POC1A: variants seen among roughly 807,000 people sequenced by gnomAD.
POC1A encodes POC1 centriolar protein A.
A neutral mutation model predicts 47.8 loss-of-function variants in POC1A; 34 were observed. The observed-to-expected ratio is 0.71, with a 90% CI of 0.54 to 0.95. The LOEUF (loss-of-function observed/expected upper bound fraction) is 0.95. Among genes scored for constraint, POC1A ranks in the 40% least tolerant of loss-of-function variants. The probability of loss-of-function intolerance (pLI) is 0.00; values close to 1 mark genes in which losing one functional copy is unlikely to be tolerated. For synonymous variants in POC1A, 177 were observed against 207.6 expected (o/e 0.85, Z 1.27); for missense variants, 466 against 528.3 (o/e 0.88, Z 1.16).
chr3:52,150,291 C>G (rs1007428744), intron 2 of POC1A, among the ~76,000 whole-genome samples: 3 of 152,198 alleles, frequency 2.0e-5, no homozygotes, highest in African/African-American at 7.2e-5. Flanking sequence ...GGCCCAGGGT[C>G]TCCCCCCAGA....
intron 7 of POC1A, among the ~76,000 whole-genome samples, chr3:52,136,972 T>C (rs375672796): frequency 1.3e-3 from 201 of 152,286 alleles, no homozygotes; most frequent in African/African-American, 4.7e-3. Flanking sequence ...GTAGCAGCAT[T>C]CACATGATTT....
intron 10 of POC1A, among the ~76,000 whole-genome samples, chr3:52,088,594 T>A (rs946371891): frequency 1.3e-5 from 2 of 152,010 alleles, no homozygotes; most frequent in African/African-American, 4.8e-5. Context: ...GGGTCAGCTG[T>A]GATGAAGTAG....
intron 7 of POC1A, among the ~76,000 whole-genome samples, chr3:52,128,043 C>T (rs960736095): frequency 2.6e-5 from 4 of 152,026 alleles, no homozygotes; most frequent in African/African-American, 2.4e-5. Context: ...TACACTAATA[C>T]GAACACCAAA....
In POC1A at chr3:52,149,338, G is replaced by T. The variant is rs778065985; in HGVS notation, c.327C>A (p.Val109=). 8.1e-6 allele frequency: 13 copies of T among 1,614,030 alleles called. No homozygotes were observed. The highest frequency in any genetic ancestry group is 3.3e-4 in the Middle Eastern group (2 of 6,084). ...FRAHTATVRS[V]HFCSDGQSFV... ...AGGACTGGCCATCACTGCAGAAGTG[G>T]ACACTCCTCACTGTGGCTGTGTGTG... Residue 109 remains valine, a synonymous_variant, in exon 4 of 11, where the codon GTC becomes GTA. Coordinates refer to ENST00000296484, the MANE Select transcript of POC1A (RefSeq NM_015426.5).
Position 52,149,919 on chromosome 3 carries a change from T to G in POC1A, c.172A>C (p.Thr58Pro). ...CAGGTGACGGCATCCTTGTGGCCAG[T>G]GAAGCGGTAGGCGCGTGACTGCGGC... Reference protein sequence around the residue: ...MKPQSRAYRFTGHKDAVTCVN... With the variant: ...MKPQSRAYRFPGHKDAVTCVN... The change falls in exon 3 of 11, where the codon ACT becomes CCT. Residue 58 changes from threonine (T) to proline (P), a missense_variant. Physicochemically the swap from Thr to Pro is conservative, Grantham distance 38. Coordinates refer to ENST00000296484, the MANE Select transcript of POC1A (RefSeq NM_015426.5). 1 of 1,613,868 alleles carries G rather than the reference T, an allele frequency of 6.2e-7. No individual in the cohort carries two copies. Among genetic ancestry groups the G allele is most frequent in the Non-Finnish European group, 8.5e-7 (1 of 1,180,012 alleles).
intron 7 of POC1A, among the ~76,000 whole-genome samples, chr3:52,130,366 AG>A (rs1436823937): frequency 6.6e-6 from 1 of 152,168 alleles, no homozygotes; most frequent in Non-Finnish European, 1.5e-5. Context: ...CTTCTTCCAG[AG>A]CCCCACCAGG....
In POC1A at chr3:52,096,862, G is replaced by A. The variant is rs956209639; in HGVS notation, c.982-150C>T. On this transcript the variant is annotated intron_variant, in intron 9 of 10. Coordinates refer to ENST00000296484, the MANE Select transcript of POC1A (RefSeq NM_015426.5). ...TGTCAGTAAGAAACAGCAGCGTGGC[G>A]GTGTTCCCACATCTGGGTCCACACA... 24 of 679,972 alleles carry A rather than the reference G, an allele frequency of 3.5e-5. No individual in the cohort carries two copies. The Middle Eastern group carries it at 1.2e-3, about 34-fold the overall frequency. The allele number at this position is 679,972 out of a possible 1,614,324, so 42.1% of individuals were successfully genotyped here. A position where few individuals can be genotyped will look rare whatever the true frequency, so the allele number is the denominator to read the frequency against.
rs1022750576 is a variant in POC1A at position 52,079,149 on chromosome 3, T to C, written c.1126-3164A>G. On this transcript the variant is annotated intron_variant, in intron 10 of 10. Transcript: ENST00000296484. This position sits in a 1 kb window ranked among gnomAD's most constrained non-coding sequence, Gnocchi z 4.6. ...CCATATCACGTGGCCTTGTTCAGAA[T>C]GTATATGATCTTTACCTGTCGGTTC... Among the ~76,000 whole-genome samples, 3 of 152,244 alleles carry C rather than the reference T, an allele frequency of 2.0e-5. No homozygotes were observed. Among genetic ancestry groups the C allele is most frequent in the African/African-American group, 7.2e-5 (3 of 41,462 alleles).
At chr3:52,111,047 G>T (rs953828090) in intron 9 of POC1A, among the ~76,000 whole-genome samples, 2 of 152,208 alleles carry the variant, frequency 1.3e-5, no homozygotes, top group African/African-American at 4.8e-5. Context: ...GAGTCAGGTT[G>T]CTCTGTCTTC....
chr3:52,143,573 G>A (rs1349432521), intron 6 of POC1A, among the ~76,000 whole-genome samples: 1 of 152,100 alleles, frequency 6.6e-6, no homozygotes, highest in Non-Finnish European at 1.5e-5. Flanking sequence ...CTCAGAATGT[G>A]ACCTCAGCCA....
At chr3:52,081,187 G>A (rs372131762) in intron 10 of POC1A, among the ~76,000 whole-genome samples, 2 of 152,178 alleles carry the variant, frequency 1.3e-5, no homozygotes, top group South Asian at 2.1e-4. Context: ...AACTACGGCC[G>A]GCTGCCCCTT....
At position 52,147,021 on chromosome 3, in the gene POC1A, C is replaced by T. The variant is rs150182187; in HGVS notation, c.530G>A (p.Arg177Gln). 8 of 1,614,032 alleles carry T rather than the reference C, an allele frequency of 5.0e-6. No individual in the cohort carries two copies. The highest frequency in any genetic ancestry group is 2.7e-5 in the African/African-American group (2 of 74,934). Residue 177 changes from arginine to glutamine, a missense_variant, in exon 5 of 11, where the codon CGG becomes CAG. Coordinates refer to ENST00000296484, the MANE Select transcript of POC1A (RefSeq NM_015426.5). ...KTVKLWDKSS[R>Q]ECVHSYCEHG... ...CTCACAATACGAGTGGACACATTCC[C>T]GGCTGCTCTTGTCCCACAGCTTAAC...
rs1703035526 is a variant in POC1A at position 52,102,494 on chromosome 3, C to G, written c.982-5782G>C. On this transcript the variant is annotated intron_variant, in intron 9 of 10. Coordinates refer to ENST00000296484, the MANE Select transcript of POC1A (RefSeq NM_015426.5). ...TCTCCTTTCTCTGTGTGGCTCTCTT[C>G]TGTGTGGCTCTTCTAAGGATACTTG... 2.0e-5 allele frequency among the ~76,000 whole-genome samples: 3 copies of G among 152,206 alleles called. No individual in the cohort carries two copies. In the South Asian group the frequency reaches 6.2e-4, roughly 32 times the overall value.
At chr3:52,135,178 C>A (rs1704398243) in intron 7 of POC1A, among the ~76,000 whole-genome samples, 1 of 152,180 alleles carries the variant, frequency 6.6e-6, no homozygotes, top group Non-Finnish European at 1.5e-5. Context: ...TCCTCGGAAC[C>A]AGTTGGGTGA....
At chr3:52,098,464 T>G (rs1464039729) in intron 9 of POC1A, among the ~76,000 whole-genome samples, 4 of 152,040 alleles carry the variant, frequency 2.6e-5, no homozygotes, top group Non-Finnish European at 5.9e-5. Context: ...ACTTTAGCAA[T>G]AGAAACCCTC....
At chr3:52,152,960 T>A (rs920101448) in intron 1 of POC1A, among the ~76,000 whole-genome samples, 2 of 152,192 alleles carry the variant, frequency 1.3e-5, no homozygotes, top group Non-Finnish European at 2.9e-5. Flanking sequence ...AATAGTCAAA[T>A]CTATAGAGAC....
At chr3:52,102,672 C>T (rs1031904892) in intron 9 of POC1A, among the ~76,000 whole-genome samples, 1 of 152,212 alleles carries the variant, frequency 6.6e-6, no homozygotes, top group Non-Finnish European at 1.5e-5. Context: ...ATTCAACACA[C>T]TACAAAATGC....
chr3:52,151,774 C>T (rs1182505454), intron 1 of POC1A, among the ~76,000 whole-genome samples: 4 of 151,992 alleles, frequency 2.6e-5, no homozygotes, highest in Admixed American at 6.6e-5. Context: ...TACAATACTA[C>T]GATACTCCTC....
At chr3:52,118,343 G>C (rs879562471) in intron 9 of POC1A, among the ~76,000 whole-genome samples, 3 of 152,200 alleles carry the variant, frequency 2.0e-5, no homozygotes, top group Non-Finnish European at 4.4e-5. Flanking sequence ...AGGGAAAATG[G>C]AACCCATTAT....
Sources: gnomAD v4.1 joint callset for allele counts (sites outside exome capture counted in the v4.1 genomes callset) on GRCh38, gnomAD v4.1.1 for gene constraint, Gnocchi (gnomAD v3.1) non-coding constraint, MANE v1.5 for transcripts, NCBI Gene and HGNC (gene_info 2026-07-23, HGNC 2026-07-21) for gene names.